The following WDR27 variants were observed in gnomAD, a reference collection of about 807,000 sequenced individuals.
WDR27 encodes the protein WD repeat domain 27.
In WDR27, 100 loss-of-function variants were observed where a neutral mutation model predicts 114.4. The observed-to-expected ratio is 0.87, with a 90% CI of 0.74 to 1.03. WDR27 has a LOEUF of 1.03. Among genes scored for constraint, WDR27 ranks in the 50% least tolerant of loss-of-function variants. WDR27 has a pLI of 0.00. For synonymous variants in WDR27, 449 were observed against 423.1 expected (o/e 1.06, Z -0.75); for missense variants, 1,129 against 1,092.9 (o/e 1.03, Z -0.47).
intron 13 of WDR27, among the ~76,000 whole-genome samples, chr6:169,653,602 T>C (rs888977251): frequency 6.6e-6 from 1 of 152,208 alleles, no homozygotes; most frequent in Non-Finnish European, 1.5e-5. Flanking sequence ...AGGGTACTGC[T>C]ATTTAAAAAG....
At position 169,665,533 on chromosome 6, in the gene WDR27, T is replaced by G; in HGVS notation, c.736A>C (p.Ile246Leu). The G allele has an allele frequency of 1.2e-6, 2 of 1,613,776 alleles. No homozygotes were observed. Among genetic ancestry groups the G allele is most frequent in the East Asian group, 4.5e-5 (2 of 44,874 alleles). The change falls in exon 7 of 26, where the codon ATT becomes CTT. Residue 246 changes from isoleucine to leucine, a missense_variant. By Grantham distance (5) the Ile-to-Leu change is conservative. Transcript: ENST00000448612. The stretch of plus-strand genomic sequence containing the variant: ...ACCAGCTGCCTGCTTTCTGCATCAA[T>G]GAATAAACTGAGAAGAGGATATGCT... ...LSAYPLLSLF[I>L]DAESRQLVTG... is the part of the protein sequence containing the mutation.
intron 25 of WDR27, among the ~76,000 whole-genome samples, chr6:169,501,724 C>T (rs1259529633): frequency 1.3e-5 from 2 of 152,136 alleles, no homozygotes; most frequent in Non-Finnish European, 2.9e-5. Flanking sequence ...TCTTTAATAC[C>T]GAGGATGCAC....
At chr6:169,673,905 T>G (rs1224515213) in intron 2 of WDR27, among the ~76,000 whole-genome samples, 1 of 152,212 alleles carries the variant, frequency 6.6e-6, no homozygotes, top group Non-Finnish European at 1.5e-5. Flanking sequence ...AGCATGCTGC[T>G]AAACCCCCTA....
chr6:169,664,246 C>T lies in WDR27; in HGVS notation c.824G>A (p.Arg275His), dbSNP rs199871025. 69 of 1,613,704 alleles carry T rather than the reference C, an allele frequency of 4.3e-5. No homozygotes were observed. The highest frequency in any genetic ancestry group is 6.7e-5 in the African/African-American group (5 of 74,942). ...FSLMDGHHYR[R>H]VARVDLRKKT... ...CTTCCTTAGGTCAACCCGTGCCACACGACGATAATGGTGTCCATCCATCAA... is the reference window on the plus strand; with the variant it reads ...CTTCCTTAGGTCAACCCGTGCCACATGACGATAATGGTGTCCATCCATCAA... Residue 275 changes from arginine to histidine, a missense_variant, in exon 8 of 26, where the codon CGT becomes CAT. By Grantham distance (29) the Arg-to-His change is conservative. Coordinates refer to ENST00000448612, the MANE Select transcript of WDR27 (RefSeq NM_182552.5).
intron 21 of WDR27, among the ~76,000 whole-genome samples, 152 bp from the exon 22 acceptor site, chr6:169,613,808 A>G (rs191366593): frequency 1.3e-5 from 2 of 152,342 alleles, no homozygotes; most frequent in African/African-American, 4.8e-5. Flanking sequence ...GGACTCCAAA[A>G]ACTTCTACAT....
At chr6:169,574,305 C>G (rs1801906927) in intron 24 of WDR27, among the ~76,000 whole-genome samples, 2 of 152,206 alleles carry the variant, frequency 1.3e-5, no homozygotes, top group Non-Finnish European at 2.9e-5. Flanking sequence ...ACTCACAAGT[C>G]TTATTTTGAC....
intron 25 of WDR27, among the ~76,000 whole-genome samples, chr6:169,458,802 A>G (rs1405075785): frequency 6.6e-6 from 1 of 151,490 alleles, no homozygotes; most frequent in Non-Finnish European, 1.5e-5. Flanking sequence ...AAAAAAAAAG[A>G]AACAAAGGAA....
rs1433614414 is a variant in WDR27 at position 169,667,974 on chromosome 6, T to A, written c.660+8A>T. On this transcript the variant is annotated splice_region_variant and intron_variant, in intron 5 of 25. Coordinates refer to ENST00000448612, the MANE Select transcript of WDR27 (RefSeq NM_182552.5). The stretch of plus-strand genomic sequence containing the variant: ...ACGCGGGAACGCCATCCAGCGTCCA[T>A]CCCTCACCTTAAAGCCTCTGTCCTC... 6.2e-7 allele frequency: 1 copy of A among 1,610,876 alleles called. No homozygotes were observed. The highest frequency in any genetic ancestry group is 1.7e-5 in the Admixed American group (1 of 59,546).
intron 25 of WDR27, among the ~76,000 whole-genome samples, chr6:169,462,309 T>G (rs914922324): frequency 2.6e-5 from 4 of 151,994 alleles, no homozygotes; most frequent in South Asian, 4.1e-4. Flanking sequence ...TAGTGGCACG[T>G]GCCTGTAATC....
At chr6:169,432,577 C>G in the WDR27 span, among the ~76,000 whole-genome samples, 2 of 152,206 alleles carry the variant, frequency 1.3e-5, no homozygotes, top group Non-Finnish European at 2.9e-5. Context: ...GCTTGGCTTT[C>G]ATTTCCTCAT....
At chr6:169,610,108 T>C (rs1810157285) in intron 22 of WDR27, among the ~76,000 whole-genome samples, 1 of 152,220 alleles carries the variant, frequency 6.6e-6, no homozygotes, top group Non-Finnish European at 1.5e-5. Context: ...ATCAGCATTT[T>C]GGGCAAAGCC....
At chr6:169,636,188 G>C (rs1817625357) in intron 19 of WDR27, among the ~76,000 whole-genome samples, 183 bp downstream of exon 19, 1 of 152,224 alleles carries the variant, frequency 6.6e-6, no homozygotes, top group African/African-American at 2.4e-5. Context: ...CCCGCGCATA[G>C]TAATACAAAG....
intron 23 of WDR27, among the ~76,000 whole-genome samples, chr6:169,597,882 A>T (rs1490712300): frequency 2.7e-5 from 2 of 74,028 alleles, no homozygotes; most frequent in East Asian, 3.6e-4. Context: ...ATTCATACAC[A>T]CACACACACA....
chr6:169,455,949 ATTTC>A (rs552873668), downstream of WDR27, among the ~76,000 whole-genome samples: 228 of 151,930 alleles, frequency 1.5e-3, no homozygotes, highest in African/African-American at 5.2e-3. Context: ...ATAATTTTAT[ATTTC>A]TTTTTCTTAA....
intron 14 of WDR27, among the ~76,000 whole-genome samples, chr6:169,649,662 G>T (rs1024823881): frequency 6.6e-6 from 1 of 151,894 alleles, no homozygotes; most frequent in Admixed American, 6.6e-5. Context: ...CAGAACTGGG[G>T]AATCCATACA....
At chr6:169,645,481 G>A (rs1820442811) in intron 16 of WDR27, among the ~76,000 whole-genome samples, 2 of 150,798 alleles carry the variant, frequency 1.3e-5, no homozygotes, top group Admixed American at 6.6e-5. Flanking sequence ...GTTCGTATGA[G>A]TCTCACTGTA....
intron 22 of WDR27, among the ~76,000 whole-genome samples, chr6:169,610,983 CT>C (rs1284279637): frequency 6.6e-6 from 1 of 152,180 alleles, no homozygotes; most frequent in African/African-American, 2.4e-5. Context: ...AAACCTTAGA[CT>C]TCACTACTAT....
At chr6:169,470,834 T>C (rs1562458614) in intron 25 of WDR27, among the ~76,000 whole-genome samples, 1 of 152,190 alleles carries the variant, frequency 6.6e-6, no homozygotes, top group Non-Finnish European at 1.5e-5. Context: ...ATTTGGTCCA[T>C]AGCACAAGAT....
At chr6:169,599,356 G>A (rs768518013) in intron 23 of WDR27, among the ~76,000 whole-genome samples, 1 of 152,198 alleles carries the variant, frequency 6.6e-6, no homozygotes, top group Non-Finnish European at 1.5e-5. Context: ...TAATTTAGCT[G>A]AATTGTTCAC....
Sources: gnomAD v4.1 joint callset for allele counts (sites outside exome capture counted in the v4.1 genomes callset) on GRCh38, gnomAD v4.1.1 for gene constraint, MANE v1.5 for transcripts, NCBI Gene and HGNC (gene_info 2026-07-23, HGNC 2026-07-21) for gene names.